Variants in GABRB3 observed in about 807,000 individuals in gnomAD.
GABRB3 encodes gamma-aminobutyric acid receptor subunit beta-3.
Under a neutral mutation model 52.1 loss-of-function variants are expected in GABRB3, and 14 were observed. The ratio of observed to expected loss-of-function variants is 0.27; its 90% CI spans 0.18 to 0.42. The LOEUF is 0.42. Ranked by LOEUF, GABRB3 falls within the 10% of genes least tolerant of loss-of-function variation. The pLI, the probability that GABRB3 is intolerant of heterozygous loss-of-function variation, is 1.00. For missense variants in GABRB3, 307 were observed against 609.1 expected (o/e 0.50, Z 5.22); for synonymous variants, 260 against 232.3 (o/e 1.12, Z -1.08).
chr15:26,586,447 C>T (rs185708351), intron 4 of GABRB3, among the ~76,000 whole-genome samples: 4 of 139,734 alleles, frequency 2.9e-5, no homozygotes, highest in Non-Finnish European at 4.8e-5. Flanking sequence ...CATAAACATG[C>T]CCAAATTGTT....
chr15:26,698,648 C>T (rs1481611628), intron 3 of GABRB3, among the ~76,000 whole-genome samples: 2 of 152,052 alleles, frequency 1.3e-5, no homozygotes, highest in East Asian at 3.9e-4. Flanking sequence ...GAAGGGGCAA[C>T]GTTAAGAGAG....
At chr15:26,643,247 C>T (rs1049194187) in intron 3 of GABRB3, among the ~76,000 whole-genome samples, 1 of 152,184 alleles carries the variant, frequency 6.6e-6, no homozygotes, top group Non-Finnish European at 1.5e-5. Flanking sequence ...CTGCCCCGTG[C>T]CCCCATCCTG....
At chr15:26,681,955 C>A (rs1207026915) in intron 3 of GABRB3, among the ~76,000 whole-genome samples, 1 of 151,882 alleles carries the variant, frequency 6.6e-6, no homozygotes, top group Non-Finnish European at 1.5e-5. Flanking sequence ...GAGACTCTGT[C>A]TCAAAAAAAA....
intron 3 of GABRB3, among the ~76,000 whole-genome samples, chr15:26,640,477 A>C (rs1304617514): frequency 6.6e-6 from 1 of 152,154 alleles, no homozygotes; most frequent in Non-Finnish European, 1.5e-5. Flanking sequence ...AGATCACGCC[A>C]CTGCACTCCA....
intron 3 of GABRB3, chr15:26,629,003 T>C (rs771265526): frequency 6.5e-7 from 1 of 1,536,158 alleles, no homozygotes; most frequent in African/African-American, 1.4e-5. Flanking sequence ...GTGGCCCACA[T>C]GGGGACACGA....
At chr15:26,656,140 G>A (rs937247322) in intron 3 of GABRB3, among the ~76,000 whole-genome samples, 5 of 152,214 alleles carry the variant, frequency 3.3e-5, no homozygotes, top group East Asian at 3.9e-4. Context: ...CTGTCAGGCC[G>A]CGTGGTACAG....
At chr15:26,614,187 T>G (rs1335257103) in intron 4 of GABRB3, 1 of 152,180 alleles carries the variant, frequency 6.6e-6, no homozygotes, top group Non-Finnish European at 1.5e-5. Flanking sequence ...AGCCAACAGA[T>G]AGCTCAGGTG....
chr15:26,718,057 A>G (rs1889543708), intron 3 of GABRB3, among the ~76,000 whole-genome samples: 1 of 152,168 alleles, frequency 6.6e-6, no homozygotes, highest in Admixed American at 6.5e-5. Flanking sequence ...TACATAACCT[A>G]TCTATGGCAG....
chr15:26,690,371 G>A (rs1350878156), intron 3 of GABRB3, among the ~76,000 whole-genome samples: 1 of 152,056 alleles, frequency 6.6e-6, no homozygotes, highest in African/African-American at 2.4e-5. Context: ...AAGCCACCAT[G>A]CCAGGCCTGA....
At chr15:26,626,034 T>C (rs1892679868) in intron 3 of GABRB3, among the ~76,000 whole-genome samples, 1 of 152,232 alleles carries the variant, frequency 6.6e-6, no homozygotes, top group Non-Finnish European at 1.5e-5. Flanking sequence ...AGCATGTAAG[T>C]TGAACAACAC....
At chr15:26,683,172 A>C (rs934790815) in intron 3 of GABRB3, among the ~76,000 whole-genome samples, 6 of 151,982 alleles carry the variant, frequency 3.9e-5, no homozygotes, top group Admixed American at 3.9e-4. Flanking sequence ...GATTGTAAAC[A>C]CTCTTTTGTC....
chr15:26,672,398 G>A (rs539242004), intron 3 of GABRB3, among the ~76,000 whole-genome samples: 1 of 152,020 alleles, frequency 6.6e-6, no homozygotes, highest in Non-Finnish European at 1.5e-5. Context: ...GTCCTCCTAA[G>A]ACCCACTTAT....
At position 26,621,220 on chromosome 15, in the gene GABRB3, G is replaced by T; in HGVS notation, c.461+94C>A. 1.0e-6 allele frequency: 1 copy of T among 990,812 alleles called. No homozygotes were observed. The highest frequency in any genetic ancestry group is 1.6e-6 in the Non-Finnish European group (1 of 614,168). The allele number at this position is 990,812 out of a possible 1,614,324, so 61.4% of individuals were successfully genotyped here. ...ATAGATGCTTCCTAATTTATCTGAG[G>T]TCATTGCCTCACTTACAATAATCAT... On this transcript the variant is annotated intron_variant, in intron 4 of 8. Coordinates refer to ENST00000311550, the MANE Select transcript of GABRB3 (RefSeq NM_000814.6). The surrounding 1 kb of genome is among the most constrained non-coding windows in gnomAD (Gnocchi z 4.1).
chr15:26,626,980 T>C (rs942934712), intron 3 of GABRB3, among the ~76,000 whole-genome samples: 5 of 152,194 alleles, frequency 3.3e-5, no homozygotes, highest in Non-Finnish European at 4.4e-5. Context: ...AAGAAGTCAT[T>C]GTCTGGCTTC....
At chr15:26,696,704 C>G (rs1463662725) in intron 3 of GABRB3, among the ~76,000 whole-genome samples, 1 of 152,180 alleles carries the variant, frequency 6.6e-6, no homozygotes, top group African/African-American at 2.4e-5. Flanking sequence ...AGCCACACTG[C>G]CTTTTGCCAC....
chr15:26,555,469 T>C (rs889867254), intron 8 of GABRB3, among the ~76,000 whole-genome samples: 1 of 152,164 alleles, frequency 6.6e-6, no homozygotes, highest in Non-Finnish European at 1.5e-5. Context: ...GTGGCCACTG[T>C]TGTGTTTGGG....
At chr15:26,588,617 T>C (rs1288420756) in intron 4 of GABRB3, among the ~76,000 whole-genome samples, 1 of 152,188 alleles carries the variant, frequency 6.6e-6, no homozygotes, top group Non-Finnish European at 1.5e-5. Context: ...GAAATGAGAA[T>C]CTTGTTTTGA....
Position 26,546,874 on chromosome 15 carries a change from C to T in GABRB3, c.*919G>A, listed in dbSNP as rs564124027. 6.6e-6 allele frequency: 1 copy of T among 151,576 alleles called. No homozygotes were observed. Among genetic ancestry groups the T allele is most frequent in the South Asian group, 2.1e-4 (1 of 4,770 alleles). The allele number at this position is 151,576 out of a possible 1,614,324, so 9.4% of individuals were successfully genotyped here. ...CCTAGATGGTTTTACCTTAGAGTAA[C>T]GAATAACCTGAGACGTCTATGCTTT... On this transcript the variant is annotated 3_prime_UTR_variant, in exon 9 of 9. Transcript: ENST00000311550.
intron 3 of GABRB3, among the ~76,000 whole-genome samples, chr15:26,729,524 A>C (rs759477515): frequency 4.6e-4 from 70 of 152,236 alleles, no homozygotes; most frequent in Middle Eastern, 6.8e-3. Context: ...CTTTGCACAC[A>C]ACCCCTGCAG....
Sources: gnomAD v4.1 joint callset for allele counts (sites outside exome capture counted in the v4.1 genomes callset) on GRCh38, gnomAD v4.1.1 for gene constraint, Gnocchi (gnomAD v3.1) non-coding constraint, MANE v1.5 for transcripts, NCBI Gene and HGNC (gene_info 2026-07-23, HGNC 2026-07-21) for gene names.